The following UVRAG variants were observed in gnomAD, a reference collection of about 807,000 sequenced individuals.
UVRAG encodes the protein UV radiation resistance associated.
A neutral mutation model predicts 78.0 loss-of-function variants in UVRAG; 19 were observed. The ratio of observed to expected loss-of-function variants is 0.24; its 90% CI spans 0.17 to 0.36. The LOEUF is 0.36. Among genes scored for constraint, UVRAG ranks in the 10% least tolerant of loss-of-function variants. The probability of loss-of-function intolerance (pLI) is 1.00; values close to 1 mark genes in which losing one functional copy is unlikely to be tolerated. For synonymous variants in UVRAG, 323 were observed against 324.6 expected, an observed-to-expected ratio of 1.00 and a Z score of 0.05; for missense variants, 740 against 853.8, an observed-to-expected ratio of 0.87 and a Z score of 1.66.
chr11:75,947,468 T>C (rs1948607922), intron 6 of UVRAG, among the ~76,000 whole-genome samples: 1 of 152,286 alleles, frequency 6.6e-6, no homozygotes, highest in East Asian at 1.9e-4. Context: ...ATACGAGTTA[T>C]ATTATGAATA....
chr11:75,872,667 G>C (rs1946680818), intron 3 of UVRAG, among the ~76,000 whole-genome samples: 1 of 152,136 alleles, frequency 6.6e-6, no homozygotes, highest in Admixed American at 6.5e-5. Context: ...GATTACAGGT[G>C]TGAGCCACCA....
Position 75,890,379 on chromosome 11 carries a change from G to A in UVRAG, c.507+1476G>A, listed in dbSNP as rs113831776. On this transcript the variant is annotated intron_variant, in intron 5 of 14. Coordinates refer to ENST00000356136, the MANE Select transcript of UVRAG (RefSeq NM_003369.4). ...GTGACAGTAGAATAGAGAGAAGATA[G>A]ATTTAAGAAAGTTTTAGTAGATAAA... Among the ~76,000 whole-genome samples, 417 of 152,286 alleles carry A rather than the reference G, an allele frequency of 2.7e-3. 1 individual carries two copies. Among genetic ancestry groups the A allele is most frequent in the Non-Finnish European group, 4.8e-3 (325 of 68,032 alleles).
chr11:75,886,971 G>T (rs1348069585), intron 4 of UVRAG, among the ~76,000 whole-genome samples: 34 of 133,796 alleles, frequency 2.5e-4, no homozygotes, highest in South Asian at 1.2e-3. Context: ...CCTTAATTTT[G>T]TTTTTTTTTT....
At chr11:75,928,543 T>C (rs1425124390) in intron 6 of UVRAG, among the ~76,000 whole-genome samples, 2 of 151,598 alleles carry the variant, frequency 1.3e-5, no homozygotes, top group Admixed American at 1.3e-4. Flanking sequence ...AGGGGGAGGA[T>C]TGCTTGAGCC....
intron 3 of UVRAG, among the ~76,000 whole-genome samples, chr11:75,872,859 A>G (rs1946684144): frequency 6.6e-6 from 1 of 152,212 alleles, no homozygotes; most frequent in Admixed American, 6.5e-5. Flanking sequence ...ATGAAGATTA[A>G]GTAAGAATAT....
At chr11:75,906,703 T>C (rs775400868) in intron 5 of UVRAG, among the ~76,000 whole-genome samples, 1 of 152,226 alleles carries the variant, frequency 6.6e-6, no homozygotes, top group Non-Finnish European at 1.5e-5. Flanking sequence ...TTTAAAAATA[T>C]GGTATTAAGG....
At chr11:76,126,288 T>C (rs1173843598) in intron 14 of UVRAG, among the ~76,000 whole-genome samples, 2 of 152,180 alleles carry the variant, frequency 1.3e-5, no homozygotes, top group African/African-American at 4.8e-5. Flanking sequence ...TAAGCTAATT[T>C]TAATAATATA....
intron 12 of UVRAG, among the ~76,000 whole-genome samples, chr11:76,043,046 A>T (rs540143812): frequency 6.6e-6 from 1 of 152,356 alleles, no homozygotes; most frequent in African/African-American, 2.4e-5. Flanking sequence ...GGTTAAAATG[A>T]TCCTAACTAA....
At chr11:75,999,657 G>A (rs1221083200) in intron 8 of UVRAG, among the ~76,000 whole-genome samples, 1 of 152,130 alleles carries the variant, frequency 6.6e-6, no homozygotes, top group Non-Finnish European at 1.5e-5. Context: ...GGGATTACAG[G>A]TGTGAGCCAC....
At chr11:75,922,824 T>C (rs768037135) in intron 6 of UVRAG, among the ~76,000 whole-genome samples, 1 of 151,572 alleles carries the variant, frequency 6.6e-6, no homozygotes, top group African/African-American at 2.4e-5. Context: ...GGCACGCACC[T>C]GTAATTCCTG....
At chr11:75,832,649 A>T (rs1565336314) in intron 1 of UVRAG, among the ~76,000 whole-genome samples, 1 of 152,172 alleles carries the variant, frequency 6.6e-6, no homozygotes, top group Non-Finnish European at 1.5e-5. Context: ...TGATTATATC[A>T]TTGGCTGTTG....
At chr11:75,820,720 T>A (rs1945368550) in intron 1 of UVRAG, among the ~76,000 whole-genome samples, 1 of 152,190 alleles carries the variant, frequency 6.6e-6, no homozygotes, top group Admixed American at 6.5e-5. Flanking sequence ...TCAATATTTA[T>A]ATATTATTGA....
intron 5 of UVRAG, among the ~76,000 whole-genome samples, chr11:75,900,454 C>T (rs1022040841): frequency 1.1e-4 from 16 of 152,092 alleles, no homozygotes; most frequent in Non-Finnish European, 1.9e-4. Context: ...CTGCTTTCAC[C>T]GTTATAGTAA....
At chr11:75,888,728 C>T in intron 4 of UVRAG, 101 bp from the exon 5 acceptor site, 1 of 926,970 alleles carries the variant, frequency 1.1e-6, no homozygotes, top group East Asian at 2.8e-5. Flanking sequence ...CAGCCGGTTT[C>T]TCAGTATTGA....
At chr11:76,125,388 TG>T (rs1374019962) in intron 14 of UVRAG, among the ~76,000 whole-genome samples, 2 of 152,242 alleles carry the variant, frequency 1.3e-5, no homozygotes, top group Non-Finnish European at 2.9e-5. Flanking sequence ...ACAAGGCATA[TG>T]GGTATCTGTA....
At chr11:75,837,628 A>G (rs2135834297) in intron 1 of UVRAG, 1 of 152,136 alleles carries the variant, frequency 6.6e-6, no homozygotes, top group Non-Finnish European at 1.5e-5. Context: ...TGTGAACACA[A>G]CTGCATTTGG....
At chr11:76,126,043 G>A (rs903832350) in intron 14 of UVRAG, among the ~76,000 whole-genome samples, 4 of 150,344 alleles carry the variant, frequency 2.7e-5, no homozygotes, top group Admixed American at 6.6e-5. Context: ...TCCGCCTCCC[G>A]GGTTCACGCC....
intron 13 of UVRAG, among the ~76,000 whole-genome samples, chr11:76,107,815 T>G (rs1384805224): frequency 6.6e-6 from 1 of 152,056 alleles, no homozygotes; most frequent in Non-Finnish European, 1.5e-5. Context: ...AAGCGCATAA[T>G]CTAGTTCTTT....
intron 3 of UVRAG, among the ~76,000 whole-genome samples, chr11:75,868,528 C>T (rs1185926396): frequency 6.6e-6 from 1 of 152,106 alleles, no homozygotes; most frequent in African/African-American, 2.4e-5. Flanking sequence ...TGGACCAGGA[C>T]CCTCACCTTA....
Sources: allele counts gnomAD v4.1 joint callset (sites outside exome capture counted in the v4.1 genomes callset), GRCh38; gene constraint gnomAD v4.1.1; transcripts MANE v1.5; gene names NCBI Gene and HGNC (gene_info 2026-07-23, HGNC 2026-07-21).